ASH1L: variants seen among roughly 807,000 people sequenced by gnomAD.
ASH1L encodes ASH1 like histone lysine methyltransferase, also known as histone-lysine N-methyltransferase ASH1L.
Under a neutral mutation model 269.0 loss-of-function variants are expected in ASH1L, and 23 were observed. The observed-to-expected ratio is 0.09, with a 90% confidence interval of 0.06 to 0.12. The LOEUF (loss-of-function observed/expected upper bound fraction) is 0.12. Ranked by LOEUF, ASH1L falls within the 10% of genes least tolerant of loss-of-function variation. ASH1L has a pLI of 1.00. For synonymous variants in ASH1L, 1,187 were observed against 1,253.5 expected, an observed-to-expected ratio of 0.95 and a Z score of 1.12; for missense variants, 2,912 against 3,567.8, an observed-to-expected ratio of 0.82 and a Z score of 4.68.
chr1:155,431,223 T>C (rs1342060978), intron 5 of ASH1L, among the ~76,000 whole-genome samples: 1 of 150,346 alleles, frequency 6.7e-6, no homozygotes, highest in Non-Finnish European at 1.5e-5. Context: ...CAAAAATATA[T>C]ATATATATAA....
rs1201676012 is a variant in ASH1L, at chr1:155,360,312, C to T, written c.6784G>A (p.Val2262Met). ...TTTATTATTCTTACCTGTTTTTCCACATTGAAGGAATGAAAGTTATAATCA... is the reference window on the plus strand; with the variant it reads ...TTTATTATTCTTACCTGTTTTTCCATATTGAAGGAATGAAAGTTATAATCA... ...TYDYNFHSFN[V>M]EKQQLCKCGF... Residue 2262 changes from valine (V) to methionine (M), a missense_variant, in exon 13 of 28, where the codon GTG (valine) becomes ATG (methionine). Coordinates refer to ENST00000392403, the MANE Select transcript of ASH1L (RefSeq NM_018489.3). The T allele has an allele frequency of 6.2e-7, 1 of 1,608,930 alleles. No homozygotes were observed. Among genetic ancestry groups the T allele is most frequent in the Non-Finnish European group, 8.5e-7 (1 of 1,175,386 alleles).
At chr1:155,412,165 C>T (rs1379326113) in intron 6 of ASH1L, among the ~76,000 whole-genome samples, 1 of 151,786 alleles carries the variant, frequency 6.6e-6, no homozygotes, top group African/African-American at 2.4e-5. Context: ...CTGCTTGAAC[C>T]CAGGAGGTGG....
At chr1:155,439,269 T>C (rs1431397021) in intron 4 of ASH1L, among the ~76,000 whole-genome samples, 2 of 152,006 alleles carry the variant, frequency 1.3e-5, no homozygotes, top group Non-Finnish European at 2.9e-5. Flanking sequence ...TCTAATAATA[T>C]GTAAATTTAA....
At chr1:155,358,206 T>C (rs1219599072) in intron 13 of ASH1L, among the ~76,000 whole-genome samples, 2 of 152,072 alleles carry the variant, frequency 1.3e-5, no homozygotes, top group Non-Finnish European at 2.9e-5. Context: ...TAAATAGAAA[T>C]GGGTTTCCAC....
At chr1:155,460,857 G>T (rs189999567) in intron 3 of ASH1L, among the ~76,000 whole-genome samples, 80 of 152,120 alleles carry the variant, frequency 5.3e-4, no homozygotes, top group Middle Eastern at 6.8e-3. Flanking sequence ...TAGCAAAACC[G>T]CAAATCTATA....
At position 155,410,432 on chromosome 1, in the gene ASH1L, G is replaced by T. The variant is rs111327297; in HGVS notation, c.6008+5312C>A. On this transcript the variant is annotated intron_variant, in intron 6 of 27. Transcript: ENST00000392403. ...GATTCTTCTGCCTCAGCCTCCCAAG[G>T]AGCTGGGATTACAGGTGCCTGCCAC... Among the ~76,000 whole-genome samples, 782 of 152,124 alleles carry T rather than the reference G, an allele frequency of 5.1e-3. 5 individuals are homozygous for T. Among genetic ancestry groups the T allele is most frequent in the African/African-American group, 0.018 (757 of 41,500 alleles).
In ASH1L at chr1:155,514,498, C is replaced by T. The variant is rs150875713; in HGVS notation, c.420+6602G>A. Among the ~76,000 whole-genome samples, 374 of 151,924 alleles carry T rather than the reference C, an allele frequency of 2.5e-3. 2 individuals are homozygous for T. In the East Asian group the frequency reaches 0.028, roughly 12 times the overall value. On this transcript the variant is annotated intron_variant, in intron 2 of 27. Transcript: ENST00000392403. ...GGTTATGTTATATATCATTTTAATG[C>T]GCATTTCTCACTTTATGTTTTTTTG... is the stretch of plus-strand genomic sequence containing the variant.
At position 155,459,757 on chromosome 1, in the gene ASH1L, G is replaced by T. The variant is rs113404715; in HGVS notation, c.5086+40C>A. The T allele has an allele frequency of 2.0e-3, 2,939 of 1,498,364 alleles. 57 individuals are homozygous for T. In the African/African-American group the frequency reaches 0.036, roughly 18 times the overall value. The allele number at this position is 1,498,364 out of a possible 1,614,324, so 92.8% of individuals were successfully genotyped here. On this transcript the variant is annotated intron_variant, in intron 4 of 27. Coordinates refer to ENST00000392403, the MANE Select transcript of ASH1L (RefSeq NM_018489.3). ...CTCCTTATTCACAAATAACAAATGG[G>T]AAACTATCTTGAAAATCTGGTAAAA...
intron 5 of ASH1L, chr1:155,433,166 C>A (rs546961834): frequency 6.6e-7 from 1 of 1,511,388 alleles, no homozygotes; most frequent in Non-Finnish European, 8.9e-7. Context: ...CAGCTTGGGG[C>A]GCCTTCCTTC....
intron 1 of ASH1L, among the ~76,000 whole-genome samples, chr1:155,525,222 G>A (rs1011024453): frequency 4.0e-5 from 6 of 151,842 alleles, no homozygotes; most frequent in African/African-American, 9.7e-5. Context: ...ACTCCAGCCC[G>A]GGCAACAGAG....
intron 3 of ASH1L, among the ~76,000 whole-genome samples, chr1:155,477,059 C>G (rs756321869): frequency 6.6e-6 from 1 of 152,052 alleles, no homozygotes; most frequent in African/African-American, 2.4e-5. Context: ...CATATATACC[C>G]GTAATTTTAC....
intron 3 of ASH1L, among the ~76,000 whole-genome samples, chr1:155,474,519 C>T (rs1353015969): frequency 2.6e-5 from 4 of 151,950 alleles, no homozygotes; most frequent in African/African-American, 7.3e-5. Flanking sequence ...GGCGGCATGG[C>T]GAAACCCCAT....
chr1:155,342,131 C>A (rs1286275927), intron 24 of ASH1L, 29 bp from the exon 25 acceptor site: 1 of 1,607,504 alleles, frequency 6.2e-7, no homozygotes, highest in South Asian at 1.1e-5. Context: ...TTAAGGAATC[C>A]TATTTAGCCA....
chr1:155,495,537 G>C (rs1302784094), intron 2 of ASH1L, among the ~76,000 whole-genome samples: 2 of 151,744 alleles, frequency 1.3e-5, no homozygotes, highest in Non-Finnish European at 2.9e-5. Flanking sequence ...ACCTGTATAG[G>C]GTACTTATCA....
At chr1:155,442,394 C>T (rs1163308047) in intron 4 of ASH1L, among the ~76,000 whole-genome samples, 1 of 151,704 alleles carries the variant, frequency 6.6e-6, no homozygotes, top group African/African-American at 2.4e-5. Context: ...ACCAGCCTGG[C>T]CAACATGGTG....
At chr1:155,388,372 G>A (rs1240929827) in intron 7 of ASH1L, among the ~76,000 whole-genome samples, 1 of 152,114 alleles carries the variant, frequency 6.6e-6, no homozygotes, top group Non-Finnish European at 1.5e-5. Flanking sequence ...GCTCATTGCA[G>A]CCTCAAGCTC....
chr1:155,362,297 G>C (rs1655034741), intron 12 of ASH1L, among the ~76,000 whole-genome samples: 1 of 151,704 alleles, frequency 6.6e-6, no homozygotes, highest in South Asian at 2.1e-4. Flanking sequence ...GCCTCCCAAA[G>C]TGCTGAGATT....
chr1:155,433,966 C>A (rs1442221536), intron 5 of ASH1L: 1 of 1,581,036 alleles, frequency 6.3e-7, no homozygotes, highest in Non-Finnish European at 8.6e-7. Flanking sequence ...AGATCAGCCA[C>A]ATCGCCCAGC....
At chr1:155,417,091 C>T (rs1326939424) in intron 5 of ASH1L, among the ~76,000 whole-genome samples, 1 of 151,838 alleles carries the variant, frequency 6.6e-6, no homozygotes, top group Admixed American at 6.6e-5. Flanking sequence ...GCCACCACAC[C>T]CAGCTTATTT....
Sources: gnomAD v4.1 joint callset for allele counts (sites outside exome capture counted in the v4.1 genomes callset) on GRCh38, gnomAD v4.1.1 for gene constraint, MANE v1.5 for transcripts, NCBI Gene and HGNC (gene_info 2026-07-23, HGNC 2026-07-21) for gene names.